Variants in CRTC3 observed in about 807,000 individuals in gnomAD.
The protein encoded by CRTC3 is CREB-regulated transcription coactivator 3.
A neutral mutation model predicts 74.5 loss-of-function variants in CRTC3; 26 were observed. The ratio of observed to expected loss-of-function variants is 0.35; its 90% CI spans 0.26 to 0.48. CRTC3 has a LOEUF of 0.48. Among genes scored for constraint, CRTC3 ranks in the 20% least tolerant of loss-of-function variants. The pLI is 0.99. For missense variants in CRTC3, 760 were observed against 787.3 expected, an observed-to-expected ratio of 0.97 and a Z score of 0.41; for synonymous variants, 377 against 325.8, an observed-to-expected ratio of 1.16 and a Z score of -1.69.
intron 2 of CRTC3, among the ~76,000 whole-genome samples, chr15:90,554,810 C>T (rs1248811944): frequency 6.6e-6 from 1 of 152,230 alleles, no homozygotes; most frequent in African/African-American, 2.4e-5. Flanking sequence ...ACCAGGGATC[C>T]TCCCACACCA....
chr15:90,578,060 C>T (rs1366112724), intron 2 of CRTC3, among the ~76,000 whole-genome samples: 6 of 152,196 alleles, frequency 3.9e-5, no homozygotes, highest in Non-Finnish European at 7.4e-5. Context: ...GGATTACAGG[C>T]GTGCGCCACC....
chr15:90,596,887 G>T (rs1967939516), intron 3 of CRTC3, among the ~76,000 whole-genome samples: 1 of 152,238 alleles, frequency 6.6e-6, no homozygotes, highest in South Asian at 2.1e-4. Context: ...CTTGGCTTGG[G>T]TGTTATTTAA....
intron 11 of CRTC3, chr15:90,638,163 G>A (rs1481909870): frequency 6.0e-6 from 2 of 334,960 alleles, no homozygotes; most frequent in Admixed American, 4.7e-5. Flanking sequence ...AACAAAACAT[G>A]ATTTTCACGG....
intron 7 of CRTC3, 138 bp downstream of exon 7, chr15:90,614,626 A>G: frequency 1.7e-6 from 1 of 585,014 alleles, no homozygotes; most frequent in South Asian, 2.6e-5. Flanking sequence ...CTTACTTTTC[A>G]GAGAGCCTCT....
intron 3 of CRTC3, chr15:90,595,826 C>G (rs973451453): frequency 6.6e-6 from 1 of 152,158 alleles, no homozygotes; most frequent in South Asian, 2.1e-4. Flanking sequence ...TAAGTATGTG[C>G]TAGTGGTCAG....
At chr15:90,578,553 CA>C (rs1450771288) in intron 2 of CRTC3, among the ~76,000 whole-genome samples, 8 of 141,392 alleles carry the variant, frequency 5.7e-5, no homozygotes, top group East Asian at 2.1e-4. Flanking sequence ...GACTCCATCT[CA>C]AAAAAAAAAG....
At position 90,560,002 on chromosome 15, in the gene CRTC3, C is replaced by A. The variant is rs1596083244; in HGVS notation, c.231+19865C>A. ...CTTCTGTGAATTTCCTGTTCATAAC[C>A]TTTTCTCAGTTTTTTTTCTTATCAA... is the stretch of plus-strand genomic sequence containing the variant. On this transcript the variant is annotated intron_variant, in intron 2 of 14. Transcript: ENST00000268184. Among the ~76,000 whole-genome samples the A allele has an allele frequency of 1.3e-5, 2 of 152,314 alleles. 1 individual carries two copies. Among genetic ancestry groups the A allele is most frequent in the South Asian group, 4.1e-4 (2 of 4,824 alleles).
chr15:90,622,500 A>G (rs1968685240), intron 9 of CRTC3, among the ~76,000 whole-genome samples: 1 of 151,970 alleles, frequency 6.6e-6, no homozygotes, highest in Non-Finnish European at 1.5e-5. Context: ...TCTCAATTTT[A>G]TTTTTCTAGT....
At chr15:90,612,771 C>G (rs1482457566) in intron 6 of CRTC3, among the ~76,000 whole-genome samples, 1 of 152,094 alleles carries the variant, frequency 6.6e-6, no homozygotes, top group Non-Finnish European at 1.5e-5. Flanking sequence ...GTTGTAGAGC[C>G]ACAGCTTCCA....
intron 11 of CRTC3, chr15:90,637,775 T>G (rs1224382523): frequency 6.6e-6 from 1 of 152,282 alleles, no homozygotes; most frequent in African/African-American, 2.4e-5. Flanking sequence ...AATCTCCTGG[T>G]TTTAGCTTCA....
chr15:90,556,842 A>G (rs766184964), intron 2 of CRTC3, among the ~76,000 whole-genome samples: 97 of 152,060 alleles, frequency 6.4e-4, no homozygotes, highest in Middle Eastern at 6.8e-3. Context: ...CTACTTTTCA[A>G]TGACTACTTT....
At chr15:90,545,730 C>G (rs554695959) in intron 2 of CRTC3, among the ~76,000 whole-genome samples, 1 of 129,208 alleles carries the variant, frequency 7.7e-6, no homozygotes, top group East Asian at 2.1e-4. Context: ...GCACCTGCCA[C>G]CACGCCCGGG....
intron 6 of CRTC3, among the ~76,000 whole-genome samples, chr15:90,608,118 A>T (rs951351165): frequency 2.0e-5 from 3 of 152,068 alleles, no homozygotes; most frequent in Non-Finnish European, 4.4e-5. Flanking sequence ...ACTGTGCATC[A>T]CCTGCTCAGT....
At chr15:90,569,346 T>G (rs1967204071) in intron 2 of CRTC3, among the ~76,000 whole-genome samples, 1 of 146,850 alleles carries the variant, frequency 6.8e-6, no homozygotes, top group Non-Finnish European at 1.5e-5. Context: ...TGAGATGGAA[T>G]TTTGCTCTTG....
At chr15:90,604,563 T>C in intron 5 of CRTC3, 116 bp downstream of exon 5, 1 of 813,728 alleles carries the variant, frequency 1.2e-6, no homozygotes, top group South Asian at 1.5e-5. Flanking sequence ...TGATATGACA[T>C]GTTCAAAACA....
rs1966973539 is a variant in CRTC3, at chr15:90,559,822, TG to T, written c.231+19687del. Among the ~76,000 whole-genome samples the T allele has an allele frequency of 2.0e-5, 3 of 152,340 alleles. No individual in the cohort carries two copies. In the South Asian group the frequency reaches 6.2e-4, roughly 32 times the overall value. On this transcript the variant is annotated intron_variant, in intron 2 of 14. Coordinates refer to ENST00000268184, the MANE Select transcript of CRTC3 (RefSeq NM_022769.5). The stretch of plus-strand genomic sequence containing the variant: ...GTTACCCGGCTCATTTTTATGTTTT[TG>T]GTAGAGATGGGGTTTTGCCTTGATG...
chr15:90,608,451 C>T (rs958358642), intron 6 of CRTC3, among the ~76,000 whole-genome samples: 5 of 151,998 alleles, frequency 3.3e-5, no homozygotes, highest in African/African-American at 1.2e-4. Context: ...CCTGTCTCTT[C>T]CTCTCTCTCT....
intron 2 of CRTC3, among the ~76,000 whole-genome samples, chr15:90,592,618 T>C (rs993371163): frequency 6.6e-6 from 1 of 152,236 alleles, no homozygotes; most frequent in African/African-American, 2.4e-5. Flanking sequence ...TACAATCTGT[T>C]TCTGCTTTCA....
chr15:90,544,966 A>T (rs144419249), intron 2 of CRTC3, among the ~76,000 whole-genome samples: 94 of 152,354 alleles, frequency 6.2e-4, no homozygotes, highest in African/African-American at 1.7e-3. Flanking sequence ...TTCATCTGAC[A>T]AAACTGAAAT....
Sources: allele counts gnomAD v4.1 joint callset (sites outside exome capture counted in the v4.1 genomes callset), GRCh38; gene constraint gnomAD v4.1.1; transcripts MANE v1.5; gene names NCBI Gene and HGNC (gene_info 2026-07-23, HGNC 2026-07-21).